KREMEN1: variants seen among roughly 807,000 people sequenced by gnomAD.
The protein encoded by KREMEN1 is kremen protein 1.
In KREMEN1, 30 loss-of-function variants were observed where a neutral mutation model predicts 46.5. The ratio of observed to expected loss-of-function variants is 0.65; its 90% CI spans 0.48 to 0.88. The LOEUF is 0.88. KREMEN1 is among the 40% of genes least tolerant of loss of function. The pLI, the probability that KREMEN1 is intolerant of heterozygous loss-of-function variation, is 0.00. For synonymous variants in KREMEN1, 214 were observed against 230.6 expected, an observed-to-expected ratio of 0.93 and a Z score of 0.65; for missense variants, 533 against 596.9, an observed-to-expected ratio of 0.89 and a Z score of 1.11.
In KREMEN1 at chr22:29,142,293, C is replaced by T. The variant is rs2038777256; in HGVS notation, c.*181C>T. The T allele has an allele frequency of 7.6e-7, 1 of 1,321,762 alleles. No homozygotes were observed. The highest frequency in any genetic ancestry group is 9.6e-7 in the Non-Finnish European group (1 of 1,040,694). 81.9% of individuals were successfully genotyped at this position (1,321,762 alleles called of 1,614,324 possible). Reference sequence around the variant, plus strand: ...ACCCTGCTGCCAGGGCAGGCAGAGCCTGGATTCCTCCTGCTTCATCGATTG... The same window carrying T: ...ACCCTGCTGCCAGGGCAGGCAGAGCTTGGATTCCTCCTGCTTCATCGATTG... On this transcript the variant is annotated 3_prime_UTR_variant, in exon 9 of 9. Coordinates refer to ENST00000400335, the MANE Select transcript of KREMEN1 (RefSeq NM_001039570.3).
intron 3 of KREMEN1, among the ~76,000 whole-genome samples, chr22:29,102,925 GT>G (rs2037998350): frequency 6.6e-6 from 1 of 152,058 alleles, no homozygotes; most frequent in Non-Finnish European, 1.5e-5. Context: ...AAACCCTTCA[GT>G]TTACCCTGTG....
intron 4 of KREMEN1, among the ~76,000 whole-genome samples, chr22:29,122,846 G>A (rs1308573203): frequency 1.3e-5 from 2 of 150,870 alleles, no homozygotes; most frequent in East Asian, 3.9e-4. Flanking sequence ...GCTGAGGCGG[G>A]AGAATTGCTT....
At chr22:29,090,543 A>C (rs2037789566) in intron 1 of KREMEN1, among the ~76,000 whole-genome samples, 1 of 152,206 alleles carries the variant, frequency 6.6e-6, no homozygotes, top group African/African-American at 2.4e-5. Context: ...ACTTAACATG[A>C]TCACGATAGA....
intron 1 of KREMEN1, among the ~76,000 whole-genome samples, chr22:29,084,382 T>C (rs1281144262): frequency 6.6e-6 from 1 of 152,198 alleles, no homozygotes; most frequent in African/African-American, 2.4e-5. Context: ...CTGTTCAAGA[T>C]GGAGTGGCTC....
chr22:29,090,870 G>T (rs2037793150), intron 1 of KREMEN1, among the ~76,000 whole-genome samples: 1 of 152,200 alleles, frequency 6.6e-6, no homozygotes, highest in Non-Finnish European at 1.5e-5. Flanking sequence ...CTGAGAACAA[G>T]ATTGGGTCTG....
chr22:29,148,328 T>G (rs1372388800), downstream of KREMEN1, among the ~76,000 whole-genome samples: 5 of 151,920 alleles, frequency 3.3e-5, no homozygotes, highest in Non-Finnish European at 7.4e-5. Context: ...CAGAAGGCTA[T>G]GGGGGACAGC....
intron 3 of KREMEN1, among the ~76,000 whole-genome samples, chr22:29,106,172 T>C (rs1390818626): frequency 1.3e-5 from 2 of 152,220 alleles, no homozygotes; most frequent in Non-Finnish European, 2.9e-5. Flanking sequence ...GTTTCAGCTA[T>C]TGCTGAGTAC....
intron 1 of KREMEN1, among the ~76,000 whole-genome samples, chr22:29,078,968 CGTAA>C (rs1569310279): frequency 6.6e-6 from 1 of 152,194 alleles, no homozygotes; most frequent in African/African-American, 2.4e-5. Context: ...AGCTGGAACC[CGTAA>C]GTATTAGTCT....
At chr22:29,131,865 C>CTTTTTTTTTTTTTTTTTTT (rs71196633) in intron 5 of KREMEN1, among the ~76,000 whole-genome samples, 1 of 45,830 alleles carries the variant, frequency 2.2e-5, no homozygotes, top group African/African-American at 9.7e-5. Context: ...TAGAATAATG[C>CTTTTTTTTTTTTTTTTTTT]TTTTTTTTTT....
intron 3 of KREMEN1, among the ~76,000 whole-genome samples, chr22:29,105,182 T>C (rs1486247324): frequency 6.6e-6 from 1 of 152,184 alleles, no homozygotes; most frequent in Non-Finnish European, 1.5e-5. Context: ...GGGGCTACTG[T>C]CTGTTGAAGA....
At chr22:29,131,654 GTA>G (rs1393477057) in intron 5 of KREMEN1, among the ~76,000 whole-genome samples, 2,895 of 93,962 alleles carry the variant, frequency 0.031, 183 homozygotes, top group African/African-American at 0.12. Context: ...GTATATATAT[GTA>G]TATATATACA....
chr22:29,084,686 G>A (rs2037704865), intron 1 of KREMEN1, among the ~76,000 whole-genome samples: 1 of 152,118 alleles, frequency 6.6e-6, no homozygotes, highest in African/African-American at 2.4e-5. Context: ...TCTCTCCGAA[G>A]CGTTTTCATG....
intron 3 of KREMEN1, among the ~76,000 whole-genome samples, chr22:29,119,200 A>G (rs2038292389): frequency 6.6e-6 from 1 of 152,192 alleles, no homozygotes; most frequent in South Asian, 2.1e-4. Context: ...AGTTAAAAAA[A>G]TAAAATTAAA....
rs2038375434 is a variant in KREMEN1, at chr22:29,122,782, A to T, written c.477+1301A>T. ...GTGAAACCCCGTCTGTACTAAAAAT[A>T]CAAAAATTAGCCGGGCATGGTGGTG... On this transcript the variant is annotated intron_variant, in intron 4 of 8. Transcript: ENST00000400335. 2.6e-5 allele frequency among the ~76,000 whole-genome samples: 4 copies of T among 152,076 alleles called. No homozygotes were observed. In the South Asian group the frequency reaches 8.3e-4, roughly 32 times the overall value.
chr22:29,088,306 T>TACACACACACACAC (rs199764170), intron 1 of KREMEN1, among the ~76,000 whole-genome samples: 1 of 149,782 alleles, frequency 6.7e-6, no homozygotes, highest in African/African-American at 2.5e-5. Context: ...CACGCGTGCA[T>TACACACACACACAC]ACACACACAC....
At chr22:29,122,121 T>G (rs1035708300) in intron 4 of KREMEN1, among the ~76,000 whole-genome samples, 1 of 152,182 alleles carries the variant, frequency 6.6e-6, no homozygotes, top group Non-Finnish European at 1.5e-5. Context: ...CTCAACAATA[T>G]GACAACTTGA....
chr22:29,137,837 C>T (rs2038695486), intron 6 of KREMEN1, among the ~76,000 whole-genome samples, 163 bp downstream of exon 6: 1 of 152,118 alleles, frequency 6.6e-6, no homozygotes, highest in Non-Finnish European at 1.5e-5. Context: ...TTCCCTACCC[C>T]CATTTCATAA....
chr22:29,078,895 C>A, intron 1 of KREMEN1, among the ~76,000 whole-genome samples: 1 of 152,242 alleles, frequency 6.6e-6, no homozygotes, highest in East Asian at 1.9e-4. Context: ...CACTGGGCAG[C>A]CTTGTCATTG....
intron 1 of KREMEN1, among the ~76,000 whole-genome samples, chr22:29,083,431 A>G (rs1433780112): frequency 1.3e-5 from 2 of 152,198 alleles, no homozygotes; most frequent in Non-Finnish European, 2.9e-5. Context: ...AGGTTAATGG[A>G]CATTTTTTTC....
Sources: gnomAD v4.1 joint callset for allele counts (sites outside exome capture counted in the v4.1 genomes callset) on GRCh38, gnomAD v4.1.1 for gene constraint, MANE v1.5 for transcripts, NCBI Gene and HGNC (gene_info 2026-07-23, HGNC 2026-07-21) for gene names.